The following ZDHHC1 variants were observed in gnomAD, a reference collection of about 807,000 sequenced individuals.
The protein encoded by ZDHHC1 is zDHHC palmitoyltransferase 1, also known as palmitoyltransferase ZDHHC1.
A neutral mutation model predicts 46.9 loss-of-function variants in ZDHHC1; 45 were observed. The observed-to-expected ratio is 0.96, with a 90% confidence interval of 0.76 to 1.23. ZDHHC1 has a LOEUF of 1.23. Among genes scored for constraint, ZDHHC1 ranks in the 50% most tolerant of loss-of-function variants. ZDHHC1 has a pLI of 0.00. For synonymous variants in ZDHHC1, 291 were observed against 286.0 expected, an observed-to-expected ratio of 1.02 and a Z score of -0.18; for missense variants, 649 against 670.8, an observed-to-expected ratio of 0.97 and a Z score of 0.36.
chr16:67,413,022 C>T (rs1356057066), intron 1 of ZDHHC1, among the ~76,000 whole-genome samples: 4 of 151,812 alleles, frequency 2.6e-5, no homozygotes, highest in Non-Finnish European at 4.4e-5. Context: ...AGGCTGGTCT[C>T]GAACTCCTGA....
chr16:67,401,036 C>A lies in ZDHHC1; in HGVS notation c.349G>T (p.Gly117Trp). ...CTTCGGTTGAAGATGGGCAGGGGCC[C>A]CGCATAGCTCTTGTCCCGCACGTTG... ...DANVRDKSYA[G>W]PLPIFNRSQH... Residue 117 changes from glycine (G) to tryptophan (W), a missense_variant, in exon 4 of 12, where the codon GGG (glycine) becomes TGG (tryptophan). By Grantham distance (184) the Gly-to-Trp change is radical. Coordinates refer to ENST00000565726, the MANE Select transcript of ZDHHC1 (RefSeq NM_001323627.2). This position sits in a 1 kb window ranked among gnomAD's most constrained non-coding sequence, Gnocchi z 4.6. The A allele has an allele frequency of 6.2e-7, 1 of 1,614,150 alleles. No individual in the cohort carries two copies. The highest frequency in any genetic ancestry group is 1.1e-5 in the South Asian group (1 of 91,086).
chr16:67,395,094 A>G (rs1158831098), intron 10 of ZDHHC1, 32 bp from the exon 11 acceptor site: 1 of 1,613,306 alleles, frequency 6.2e-7, no homozygotes, highest in African/African-American at 1.3e-5. Flanking sequence ...TGAGGGCCCC[A>G]CATCGCCAAA....
chr16:67,396,074 G>C (rs187856618), intron 8 of ZDHHC1: 2 of 156,330 alleles, frequency 1.3e-5, no homozygotes, highest in Non-Finnish European at 2.8e-5. Context: ...ACATGCGGTG[G>C]TCTCCCTGCC....
In ZDHHC1 at chr16:67,401,078, T is replaced by C. The variant is rs1253053887; in HGVS notation, c.307A>G (p.Ile103Val). 6.2e-7 allele frequency: 1 copy of C among 1,614,118 alleles called. No homozygotes were observed. Among genetic ancestry groups the C allele is most frequent in the Admixed American group, 1.7e-5 (1 of 60,014 alleles). The change falls in exon 4 of 12, where the codon ATC becomes GTC. Residue 103 changes from isoleucine to valine, a missense_variant. Physicochemically the swap from Ile to Val is conservative, Grantham distance 29. Transcript: ENST00000565726. The surrounding 1 kb of genome is among the most constrained non-coding windows in gnomAD (Gnocchi z 4.6). ...HLVVHLTAVS[I>V]DPADANVRDK... is the part of the protein sequence containing the mutation. ...CGCACGTTGGCATCTGCTGGATCGATGGAGACGGCGGTCAGGTGCACCACA... is the reference window on the plus strand; with the variant it reads ...CGCACGTTGGCATCTGCTGGATCGACGGAGACGGCGGTCAGGTGCACCACA...
rs1036905545 is a variant in ZDHHC1, at chr16:67,394,713, C to G, written c.1346G>C (p.Arg449Pro). 5.4e-5 allele frequency: 73 copies of G among 1,339,746 alleles called. No individual in the cohort carries two copies. The highest frequency in any genetic ancestry group is 6.9e-5 in the Non-Finnish European group (73 of 1,051,388). The allele number at this position is 1,339,746 out of a possible 1,614,324, so 83.0% of individuals were successfully genotyped here. ...AALAAPRGRG[R>P]QPTLARQARA... is the part of the protein sequence containing the mutation. ...CGCCTGCCGCGCCAGCGTGGGCTGTCGGCCCCGGCCCCGCGGGGCGGCCAG... is the reference window on the plus strand; with the variant it reads ...CGCCTGCCGCGCCAGCGTGGGCTGTGGGCCCCGGCCCCGCGGGGCGGCCAG... The change falls in exon 12 of 12, where the codon CGA (arginine) becomes CCA (proline). Residue 449 changes from arginine (R) to proline (P), a missense_variant. By Grantham distance (103) the Arg-to-Pro change is moderately radical. Coordinates refer to ENST00000565726, the MANE Select transcript of ZDHHC1 (RefSeq NM_001323627.2).
At chr16:67,405,390 C>T (rs1252414279) in intron 3 of ZDHHC1, among the ~76,000 whole-genome samples, 2 of 152,230 alleles carry the variant, frequency 1.3e-5, no homozygotes, top group African/African-American at 2.4e-5. Flanking sequence ...TCACCACAGG[C>T]TGGATGTCCC....
intron 1 of ZDHHC1, among the ~76,000 whole-genome samples, chr16:67,413,711 G>A (rs914592289): frequency 6.6e-6 from 1 of 152,084 alleles, no homozygotes; most frequent in Admixed American, 6.6e-5. Flanking sequence ...AAGCCGAGGC[G>A]GGCAGATCAC....
In ZDHHC1 at chr16:67,406,333, C is replaced by G; in HGVS notation, c.119G>C (p.Arg40Pro). The part of the protein sequence containing the change: ...PSPELQGQRS[R>P]RNGWSWPPHP... ...AGGGGGCCAGCTCCACCCATTCCGGCGGGATCGCTGGCCCTGCAGCTCAGG... is the reference window on the plus strand; with the variant it reads ...AGGGGGCCAGCTCCACCCATTCCGGGGGGATCGCTGGCCCTGCAGCTCAGG... Residue 40 changes from arginine to proline, a missense_variant, in exon 3 of 12, where the codon CGC becomes CCC. Physicochemically the swap from Arg to Pro is moderately radical, Grantham distance 103. Transcript: ENST00000565726. This position sits in a 1 kb window ranked among gnomAD's most constrained non-coding sequence, Gnocchi z 4.1. 1 of 1,596,088 alleles carries G rather than the reference C, an allele frequency of 6.3e-7. No individual in the cohort carries two copies. The highest frequency in any genetic ancestry group is 8.5e-7 in the Non-Finnish European group (1 of 1,171,490).
At chr16:67,402,397 C>A (rs1336812487) in intron 3 of ZDHHC1, among the ~76,000 whole-genome samples, 1 of 152,176 alleles carries the variant, frequency 6.6e-6, no homozygotes, top group Non-Finnish European at 1.5e-5. Flanking sequence ...CTGGCTCCTC[C>A]CAAACCTCTC....
intron 3 of ZDHHC1, among the ~76,000 whole-genome samples, chr16:67,402,751 C>T (rs2040576984): frequency 6.6e-6 from 1 of 152,218 alleles, no homozygotes; most frequent in African/African-American, 2.4e-5. Context: ...CTCAGCCTCC[C>T]GAGTAGCTGG....
At chr16:67,415,384 G>A (rs975636116) in intron 1 of ZDHHC1, among the ~76,000 whole-genome samples, 2 of 151,972 alleles carry the variant, frequency 1.3e-5, no homozygotes, top group African/African-American at 2.4e-5. Flanking sequence ...GCTTGAGCCC[G>A]GGAGCCGGAG....
At chr16:67,408,312 C>G (rs990332603) in intron 1 of ZDHHC1, among the ~76,000 whole-genome samples, 1 of 151,416 alleles carries the variant, frequency 6.6e-6, no homozygotes, top group African/African-American at 2.4e-5. Context: ...AGTACAGGCA[C>G]GCACCACCAC....
At chr16:67,407,088 G>A (rs901429950) in intron 2 of ZDHHC1, among the ~76,000 whole-genome samples, 1 of 152,176 alleles carries the variant, frequency 6.6e-6, no homozygotes, top group African/African-American at 2.4e-5. Context: ...AAATGACCAC[G>A]TTTCTCTAAG....
chr16:67,408,300 G>C (rs957395131), intron 1 of ZDHHC1, among the ~76,000 whole-genome samples: 1 of 151,512 alleles, frequency 6.6e-6, no homozygotes, highest in African/African-American at 2.4e-5. Context: ...AGAGTAGCTG[G>C]AAGTACAGGC....
chr16:67,415,779 C>G (rs1177061744), intron 1 of ZDHHC1, among the ~76,000 whole-genome samples: 1 of 152,168 alleles, frequency 6.6e-6, no homozygotes, highest in African/African-American at 2.4e-5. Flanking sequence ...AACTAAAACT[C>G]TTCCCATGGT....
At chr16:67,410,675 G>GTTA (rs2040736419) in intron 1 of ZDHHC1, among the ~76,000 whole-genome samples, 1 of 143,976 alleles carries the variant, frequency 6.9e-6, no homozygotes. Flanking sequence ...TATTATTATT[G>GTTA]TTATTATTTA....
In ZDHHC1 at chr16:67,406,257, G is replaced by T. The variant is rs555524849; in HGVS notation, c.195C>A (p.Ile65=). Residue 65 remains isoleucine, a synonymous_variant, in exon 3 of 12, where the codon ATC becomes ATA. Coordinates refer to ENST00000565726, the MANE Select transcript of ZDHHC1 (RefSeq NM_001323627.2). The surrounding 1 kb of genome is among the most constrained non-coding windows in gnomAD (Gnocchi z 4.1). Reference sequence around the variant, plus strand: ...GGAGGGGAACAAGGATCCCAAAGCCGATCACAGCAAAGAAGAGGTACAGCA... The same window carrying T: ...GGAGGGGAACAAGGATCCCAAAGCCTATCACAGCAAAGAAGAGGTACAGCA... ...AWLLYLFFAV[I]GFGILVPLLP... is the part of the protein sequence containing the mutation. 10 of 1,612,470 alleles carry T rather than the reference G, an allele frequency of 6.2e-6. No individual in the cohort carries two copies. The highest frequency in any genetic ancestry group is 8.5e-6 in the Non-Finnish European group (10 of 1,179,522).
At position 67,413,888 on chromosome 16, in the gene ZDHHC1, G is replaced by A. The variant is rs539546840; in HGVS notation, c.-39+2283C>T. ...CAGGAGGTGGAGTTTGCAGTGAGCC[G>A]GGATCATGCCATTGCACTCCAGACT... On this transcript the variant is annotated intron_variant, in intron 1 of 11. Transcript: ENST00000565726. Among the ~76,000 whole-genome samples the A allele has an allele frequency of 5.3e-5, 8 of 150,412 alleles. No homozygotes were observed. In the South Asian group the frequency reaches 1.3e-3, roughly 24 times the overall value.
Position 67,395,028 on chromosome 16 carries a change from G to T in ZDHHC1, c.1139C>A (p.Thr380Lys). 6.2e-7 allele frequency: 1 copy of T among 1,612,666 alleles called. No homozygotes were observed. The highest frequency in any genetic ancestry group is 8.5e-7 in the Non-Finnish European group (1 of 1,179,690). Reference sequence around the variant, plus strand: ...CGACGCCGGATCCGAGGTCTCAGACGTTCGCACTTTATACACGCGCCTCTT... The same window carrying T: ...CGACGCCGGATCCGAGGTCTCAGACTTTCGCACTTTATACACGCGCCTCTT... ...KRKRRVYKVR[T>K]SETSDPASGP... The change falls in exon 11 of 12, where the codon ACG becomes AAG. Residue 380 changes from threonine (T) to lysine (K), a missense_variant. By Grantham distance (78) the Thr-to-Lys change is moderately conservative. Transcript: ENST00000565726.
Sources: gnomAD v4.1 joint callset for allele counts (sites outside exome capture counted in the v4.1 genomes callset) on GRCh38, gnomAD v4.1.1 for gene constraint, Gnocchi (gnomAD v3.1) non-coding constraint, MANE v1.5 for transcripts, NCBI Gene and HGNC (gene_info 2026-07-23, HGNC 2026-07-21) for gene names.